C3orf20: variants seen among roughly 807,000 people sequenced by gnomAD.
C3orf20 encodes family with sequence similarity 149 member C.
Under a neutral mutation model 88.3 loss-of-function variants are expected in C3orf20, and 76 were observed. The observed-to-expected ratio is 0.86, with a 90% CI of 0.72 to 1.04. C3orf20 has a LOEUF of 1.04. Among genes scored for constraint, C3orf20 ranks in the 50% least tolerant of loss-of-function variants. C3orf20 has a pLI of 0.00. For synonymous variants in C3orf20, 436 were observed against 437.4 expected (o/e 1.00, Z 0.04); for missense variants, 1,056 against 1,123.3 (o/e 0.94, Z 0.86).
In C3orf20 at chr3:14,728,468, AAGG is replaced by A. The variant is rs755909071; in HGVS notation, c.1728_1730del (p.Glu578del). 4.3e-6 allele frequency: 7 copies of A among 1,614,140 alleles called. No homozygotes were observed. The African/African-American group carries it at 5.3e-5, about 12-fold the overall frequency. ...GTTTACCATTGAATATCCCACCAAA[AAGG>A]AGGAGGAAGAATTTGTTCGGTTCAA... On this transcript the variant is annotated inframe_deletion, in exon 12 of 17. Transcript: ENST00000253697.
chr3:14,687,509 G>A (rs1220591300), intron 4 of C3orf20, among the ~76,000 whole-genome samples: 4 of 152,246 alleles, frequency 2.6e-5, no homozygotes, highest in South Asian at 2.1e-4. Context: ...GGTGGTGATC[G>A]CCAGACAGAG....
At position 14,682,899 on chromosome 3, in the gene C3orf20, C is replaced by T. The variant is rs2032174351; in HGVS notation, c.186C>T (p.Thr62=). Residue 62 remains threonine, a synonymous_variant, in exon 3 of 17, where the codon ACC becomes ACT. Coordinates refer to ENST00000253697, the MANE Select transcript of C3orf20 (RefSeq NM_032137.5). ...EELISDPSVP[T]PSDILGLEVS... Reference sequence around the variant, plus strand: ...TCATCAGTGACCCTTCAGTGCCTACCCCGTCCGACATCTTGGGCCTGGAGG... The same window carrying T: ...TCATCAGTGACCCTTCAGTGCCTACTCCGTCCGACATCTTGGGCCTGGAGG... 3 of 1,614,180 alleles carry T rather than the reference C, an allele frequency of 1.9e-6. 1 individual carries two copies. In the South Asian group the frequency reaches 3.3e-5, roughly 18 times the overall value.
intron 6 of C3orf20, among the ~76,000 whole-genome samples, chr3:14,703,523 C>T (rs992080476): frequency 1.3e-5 from 2 of 152,240 alleles, no homozygotes; most frequent in Non-Finnish European, 2.9e-5. Context: ...AGGATTGATG[C>T]CCATTTTGTG....
chr3:14,678,464 T>G (rs981021942), intron 1 of C3orf20, among the ~76,000 whole-genome samples: 3 of 152,244 alleles, frequency 2.0e-5, no homozygotes, highest in Non-Finnish European at 4.4e-5. Context: ...GCCTTCTGTG[T>G]GTGTGTCTCC....
chr3:14,768,892 G>A lies in C3orf20; in HGVS notation c.2496-3175G>A, dbSNP rs1377919596. On this transcript the variant is annotated intron_variant, in intron 15 of 16. Coordinates refer to ENST00000253697, the MANE Select transcript of C3orf20 (RefSeq NM_032137.5). This position sits in a 1 kb window ranked among gnomAD's most constrained non-coding sequence, Gnocchi z 4.1. ...TCTTTTTTGCTTATCCCTGACCAAG[G>A]ATGGTCTCAGAATCAACCTCTAGAT... 2.0e-5 allele frequency among the ~76,000 whole-genome samples: 3 copies of A among 152,162 alleles called. No individual in the cohort carries two copies. In the East Asian group the frequency reaches 5.8e-4, roughly 29 times the overall value.
intron 6 of C3orf20, 98 bp downstream of exon 6, chr3:14,703,360 G>C: frequency 6.4e-7 from 1 of 1,558,318 alleles, no homozygotes; most frequent in East Asian, 2.3e-5. Context: ...GACAGTCACA[G>C]AAGTGTGTGA....
chr3:14,719,298 G>A (rs2034060460), intron 9 of C3orf20, among the ~76,000 whole-genome samples: 1 of 152,166 alleles, frequency 6.6e-6, no homozygotes, highest in Non-Finnish European at 1.5e-5. Flanking sequence ...CAGTGGGTGG[G>A]CTAGTGGAGA....
intron 12 of C3orf20, among the ~76,000 whole-genome samples, chr3:14,730,792 A>G (rs1407976623): frequency 6.6e-6 from 1 of 152,196 alleles, no homozygotes; most frequent in Non-Finnish European, 1.5e-5. Context: ...CAGTTGCTCC[A>G]CATCTTCACC....
chr3:14,765,082 A>T (rs1175075200), intron 15 of C3orf20: 1 of 152,262 alleles, frequency 6.6e-6, no homozygotes, highest in Admixed American at 6.5e-5. Flanking sequence ...CAATGTCCTC[A>T]TGGACAAGGT....
intron 12 of C3orf20, among the ~76,000 whole-genome samples, chr3:14,740,152 C>G (rs1358872200): frequency 6.6e-6 from 1 of 152,216 alleles, no homozygotes. Flanking sequence ...GCTTGCCTTC[C>G]TCACTAAGGT....
chr3:14,744,550 C>G (rs1243199097), intron 12 of C3orf20, among the ~76,000 whole-genome samples: 2 of 151,966 alleles, frequency 1.3e-5, no homozygotes, highest in African/African-American at 4.9e-5. Context: ...ATGCCCCACT[C>G]TACTGGTACC....
intron 5 of C3orf20, among the ~76,000 whole-genome samples, chr3:14,692,775 C>T (rs1488112468): frequency 6.6e-6 from 1 of 152,120 alleles, no homozygotes. Context: ...GTTGCCTGTG[C>T]TTGTGGGGTA....
chr3:14,699,463 C>T lies in C3orf20; in HGVS notation c.746-3667C>T, dbSNP rs117456158. ...CAGGGCCCAAGGACTCTTCAGTCAG[C>T]GGGTGATGGGTCCTGCCAGGACTGG... On this transcript the variant is annotated intron_variant, in intron 5 of 16. Transcript: ENST00000253697. Among the ~76,000 whole-genome samples, 282 of 152,258 alleles carry T rather than the reference C, an allele frequency of 1.9e-3. 6 individuals carry two copies. In the East Asian group the frequency reaches 0.042, roughly 23 times the overall value.
At chr3:14,686,392 A>G (rs987334476) in intron 4 of C3orf20, among the ~76,000 whole-genome samples, 3 of 152,188 alleles carry the variant, frequency 2.0e-5, no homozygotes, top group Non-Finnish European at 4.4e-5. Context: ...CCATTTTTAA[A>G]TTTCAGAGGA....
At chr3:14,692,590 A>AT (rs376996713) in intron 5 of C3orf20, among the ~76,000 whole-genome samples, 21 of 151,924 alleles carry the variant, frequency 1.4e-4, no homozygotes, top group African/African-American at 1.9e-4. Context: ...AGATTATTAG[A>AT]TTTTTTTTCC....
intron 5 of C3orf20, among the ~76,000 whole-genome samples, chr3:14,700,130 A>G (rs1187622086): frequency 6.6e-6 from 1 of 152,138 alleles, no homozygotes; most frequent in Non-Finnish European, 1.5e-5. Context: ...GGGGATGGGG[A>G]AGGGTTGTGT....
intron 15 of C3orf20, among the ~76,000 whole-genome samples, chr3:14,767,869 A>G (rs1036030070): frequency 3.3e-5 from 5 of 152,246 alleles, no homozygotes; most frequent in Non-Finnish European, 7.3e-5. Context: ...CTAAACTGTA[A>G]TGCACCTCCT....
At position 14,682,658 on chromosome 3, in the gene C3orf20, A is replaced by G. The variant is rs1265207116; in HGVS notation, c.-56A>G. On this transcript the variant is annotated 5_prime_UTR_variant, in exon 3 of 17. Coordinates refer to ENST00000253697, the MANE Select transcript of C3orf20 (RefSeq NM_032137.5). ...CTCCAAGCCTTCACCGTAGGGAAGA[A>G]CTTTTGCTCTCAGTCACCTCTCAGA... The G allele has an allele frequency of 6.5e-7, 1 of 1,545,312 alleles. No homozygotes were observed. Among genetic ancestry groups the G allele is most frequent in the African/African-American group, 1.4e-5 (1 of 72,972 alleles).
At chr3:14,716,662 C>T (rs1229711033) in intron 9 of C3orf20, among the ~76,000 whole-genome samples, 1 of 152,214 alleles carries the variant, frequency 6.6e-6, no homozygotes, top group Non-Finnish European at 1.5e-5. Flanking sequence ...CAAAGCCCTG[C>T]CCAGACTCCC....
Sources: allele counts gnomAD v4.1 joint callset (sites outside exome capture counted in the v4.1 genomes callset), GRCh38; gene constraint gnomAD v4.1.1; non-coding constraint Gnocchi (gnomAD v3.1); transcripts MANE v1.5; gene names NCBI Gene and HGNC (gene_info 2026-07-23, HGNC 2026-07-21).